Variants in SLC13A1 observed in about 807,000 individuals in gnomAD.
The protein encoded by SLC13A1 is solute carrier family 13 member 1.
Under a neutral mutation model 70.0 loss-of-function variants are expected in SLC13A1, and 65 were observed. The ratio of observed to expected loss-of-function variants is 0.93; its 90% CI spans 0.76 to 1.14. SLC13A1 has a LOEUF of 1.14. Among genes scored for constraint, SLC13A1 ranks in the 50% most tolerant of loss-of-function variants. The pLI, the probability that SLC13A1 is intolerant of heterozygous loss-of-function variation, is 0.00. For synonymous variants in SLC13A1, 275 were observed against 250.5 expected, an observed-to-expected ratio of 1.10 and a Z score of -0.92; for missense variants, 726 against 717.8, an observed-to-expected ratio of 1.01 and a Z score of -0.13.
intron 1 of SLC13A1, among the ~76,000 whole-genome samples, chr7:123,195,261 T>C (rs947845702): frequency 2.0e-5 from 3 of 152,120 alleles, no homozygotes; most frequent in Admixed American, 6.6e-5. Flanking sequence ...TCTGCATTCT[T>C]TGGTGTCCAA....
intron 7 of SLC13A1, among the ~76,000 whole-genome samples, chr7:123,139,059 TAA>T (rs1353531824): frequency 6.6e-6 from 1 of 152,150 alleles, no homozygotes; most frequent in Non-Finnish European, 1.5e-5. Flanking sequence ...GGTCTTAGCT[TAA>T]GTGTTTAATT....
In SLC13A1 at chr7:123,128,061, T is replaced by C. The variant is rs532258733; in HGVS notation, c.1133+784A>G. On this transcript the variant is annotated intron_variant, in intron 10 of 14. Transcript: ENST00000194130. ...TTCACACAACTCAGCAATTGATTAC[T>C]GGTATATAAGACACTGAGATATAAA... 7.2e-5 allele frequency among the ~76,000 whole-genome samples: 11 copies of C among 152,106 alleles called. No individual in the cohort carries two copies. The South Asian group carries it at 2.3e-3, about 32-fold the overall frequency.
intron 6 of SLC13A1, chr7:123,148,687 C>A (rs1387984542): frequency 7.9e-6 from 2 of 253,214 alleles, no homozygotes; most frequent in Non-Finnish European, 1.6e-5. Context: ...TTAAACAGTG[C>A]CCTATTTAAT....
At chr7:123,170,833 C>T (rs1242481552) in intron 3 of SLC13A1, among the ~76,000 whole-genome samples, 2 of 151,980 alleles carry the variant, frequency 1.3e-5, no homozygotes, top group Non-Finnish European at 1.5e-5. Flanking sequence ...CCCACCTTGG[C>T]CTCCTAAAGT....
intron 6 of SLC13A1, among the ~76,000 whole-genome samples, chr7:123,157,545 C>T (rs1794753212): frequency 6.6e-6 from 1 of 151,864 alleles, no homozygotes; most frequent in Admixed American, 6.6e-5. Flanking sequence ...TTAGAAGCTT[C>T]CCTTATACTT....
chr7:123,169,131 A>G lies in SLC13A1; in HGVS notation c.553+17T>C, dbSNP rs1348610256. The G allele has an allele frequency of 1.2e-6, 2 of 1,612,382 alleles. No individual in the cohort carries two copies. The highest frequency in any genetic ancestry group is 1.1e-5 in the South Asian group (1 of 91,014). Reference sequence around the variant, plus strand: ...CTAATGACTAGACCCCAGATTGGCCATATCAACATGTGATACCATCAATTT... The same window carrying G: ...CTAATGACTAGACCCCAGATTGGCCGTATCAACATGTGATACCATCAATTT... On this transcript the variant is annotated intron_variant, in intron 4 of 14. Transcript: ENST00000194130.
intron 2 of SLC13A1, among the ~76,000 whole-genome samples, chr7:123,175,419 C>A (rs1795414136): frequency 6.6e-6 from 1 of 152,090 alleles, no homozygotes; most frequent in African/African-American, 2.4e-5. Context: ...GAAATAAGCC[C>A]TATTGACTGC....
At chr7:123,158,728 T>C (rs906240346) in intron 6 of SLC13A1, among the ~76,000 whole-genome samples, 4 of 151,926 alleles carry the variant, frequency 2.6e-5, no homozygotes, top group Non-Finnish European at 4.4e-5. Context: ...ATTTGACTGA[T>C]AGCTAGCTGA....
In SLC13A1 at chr7:123,168,494, T is replaced by G; in HGVS notation, c.611+10A>C. 6.2e-7 allele frequency: 1 copy of G among 1,606,946 alleles called. No individual in the cohort carries two copies. The highest frequency in any genetic ancestry group is 1.1e-5 in the South Asian group (1 of 90,016). On this transcript the variant is annotated intron_variant, in intron 5 of 14. Coordinates refer to ENST00000194130, the MANE Select transcript of SLC13A1 (RefSeq NM_022444.4). Reference sequence around the variant, plus strand: ...GGAAAAATCCCAATCAAAATGTCAGTATTCCTTACCCTGGAACTGGTTTTG... The same window carrying G: ...GGAAAAATCCCAATCAAAATGTCAGGATTCCTTACCCTGGAACTGGTTTTG...
chr7:123,145,911 C>T (rs1794333166), intron 7 of SLC13A1, among the ~76,000 whole-genome samples: 1 of 152,106 alleles, frequency 6.6e-6, no homozygotes, highest in Admixed American at 6.6e-5. Context: ...TTCATAGAGT[C>T]TATGAATCTA....
intron 1 of SLC13A1, among the ~76,000 whole-genome samples, chr7:123,183,306 A>G (rs988251216): frequency 6.6e-6 from 1 of 152,202 alleles, no homozygotes; most frequent in Non-Finnish European, 1.5e-5. Context: ...GTTAAAAAAT[A>G]AAGTCTGAAT....
chr7:123,168,305 A>G (rs1486234833), intron 6 of SLC13A1, 69 bp downstream of exon 6: 11 of 1,019,788 alleles, frequency 1.1e-5, no homozygotes, highest in Admixed American at 2.2e-5. Flanking sequence ...TTTAAAATGC[A>G]TATGTATCTA....
intron 8 of SLC13A1, among the ~76,000 whole-genome samples, chr7:123,130,097 AC>A (rs1793705105): frequency 6.6e-6 from 1 of 152,124 alleles, no homozygotes; most frequent in African/African-American, 2.4e-5. Context: ...AGTATGCTAA[AC>A]TCGAGTTTTA....
intron 7 of SLC13A1, among the ~76,000 whole-genome samples, chr7:123,145,358 G>A (rs918099689): frequency 2.6e-5 from 4 of 152,082 alleles, no homozygotes; most frequent in African/African-American, 7.2e-5. Context: ...TTCTTCCATA[G>A]TATTTACCAT....
At chr7:123,149,270 T>A (rs553522522) in intron 6 of SLC13A1, among the ~76,000 whole-genome samples, 1 of 152,258 alleles carries the variant, frequency 6.6e-6, no homozygotes, top group Non-Finnish European at 1.5e-5. Flanking sequence ...GTCACCTCTG[T>A]CCTGTTGTCA....
intron 12 of SLC13A1, among the ~76,000 whole-genome samples, chr7:123,122,707 A>G (rs1194507101): frequency 6.6e-6 from 1 of 151,992 alleles, no homozygotes; most frequent in African/African-American, 2.4e-5. Context: ...TTTTTAAATC[A>G]GCAATAGCAT....
intron 6 of SLC13A1, among the ~76,000 whole-genome samples, chr7:123,160,056 G>A (rs1297149687): frequency 6.6e-6 from 1 of 151,924 alleles, no homozygotes; most frequent in Non-Finnish European, 1.5e-5. Flanking sequence ...GGCCGAGGTG[G>A]GCGAATTATG....
At chr7:123,118,671 A>G (rs543379287) in intron 13 of SLC13A1, among the ~76,000 whole-genome samples, 2 of 152,200 alleles carry the variant, frequency 1.3e-5, no homozygotes, top group South Asian at 4.1e-4. Context: ...TCATTTGCAA[A>G]TCACTTATAT....
chr7:123,196,539 C>T (rs559602470), intron 1 of SLC13A1, among the ~76,000 whole-genome samples: 19 of 152,014 alleles, frequency 1.2e-4, no homozygotes, highest in African/African-American at 3.9e-4. Flanking sequence ...CCAATTCGGA[C>T]GCAAGTATGG....
Sources: gnomAD v4.1 joint callset for allele counts (sites outside exome capture counted in the v4.1 genomes callset) on GRCh38, gnomAD v4.1.1 for gene constraint, MANE v1.5 for transcripts, NCBI Gene and HGNC (gene_info 2026-07-23, HGNC 2026-07-21) for gene names.